Variants in PTPRG observed in about 807,000 individuals in gnomAD.
The protein encoded by PTPRG is protein tyrosine phosphatase receptor type G, also known as receptor-type tyrosine-protein phosphatase gamma.
In PTPRG, 102 loss-of-function variants were observed where a neutral mutation model predicts 165.3. The ratio of observed to expected loss-of-function variants is 0.62; its 90% CI spans 0.53 to 0.73. PTPRG has a LOEUF of 0.73. PTPRG is among the 30% of genes least tolerant of loss of function. The probability of loss-of-function intolerance (pLI) is 0.00; values close to 1 mark genes in which losing one functional copy is unlikely to be tolerated. For synonymous variants in PTPRG, 675 were observed against 669.5 expected (o/e 1.01, Z -0.13); for missense variants, 1,866 against 1,861.4 (o/e 1.00, Z -0.05).
At chr3:61,943,440 A>G (rs1028814506) in intron 2 of PTPRG, among the ~76,000 whole-genome samples, 2 of 152,156 alleles carry the variant, frequency 1.3e-5, no homozygotes, top group Non-Finnish European at 1.5e-5. Context: ...AAAAATATCA[A>G]AAGTAGCCAG....
At chr3:61,684,025 C>G (rs1016928451) in intron 1 of PTPRG, among the ~76,000 whole-genome samples, 5 of 152,200 alleles carry the variant, frequency 3.3e-5, no homozygotes, top group African/African-American at 1.2e-4. Context: ...CATGGTCTTG[C>G]AGTTGTACAC....
intron 1 of PTPRG, among the ~76,000 whole-genome samples, chr3:61,668,633 G>T (rs1468170862): frequency 6.6e-6 from 1 of 152,078 alleles, no homozygotes; most frequent in Admixed American, 6.6e-5. Flanking sequence ...AAGTATTAGA[G>T]GAAATGTGTA....
intron 4 of PTPRG, among the ~76,000 whole-genome samples, chr3:62,055,126 A>G (rs1387035833): frequency 2.0e-5 from 3 of 152,214 alleles, no homozygotes; most frequent in Non-Finnish European, 4.4e-5. Context: ...TGTAGTTAAT[A>G]TTGTAATTAA....
intron 2 of PTPRG, chr3:61,753,470 G>A (rs2033521715): frequency 3.1e-6 from 1 of 323,806 alleles, no homozygotes; most frequent in Non-Finnish European, 6.2e-6. Context: ...AGTTTGCCCA[G>A]AACTTCTATA....
At chr3:61,967,160 A>G (rs1050789193) in intron 2 of PTPRG, among the ~76,000 whole-genome samples, 1 of 152,194 alleles carries the variant, frequency 6.6e-6, no homozygotes, top group Non-Finnish European at 1.5e-5. Flanking sequence ...TACAAAGTCT[A>G]GGCCTGACCT....
rs1262611637 is a variant in PTPRG, at chr3:62,254,089, G to C, written c.2468-1035G>C. On this transcript the variant is annotated intron_variant, in intron 15 of 29. Coordinates refer to ENST00000474889, the MANE Select transcript of PTPRG (RefSeq NM_002841.4). The surrounding 1 kb of genome is among the most constrained non-coding windows in gnomAD (Gnocchi z 4.6). Reference sequence around the variant, plus strand: ...ACTGTCACCAGATGAAGAGAAATCAGATTGTCAGGCCTGGATCTATAAAAT... The same window carrying C: ...ACTGTCACCAGATGAAGAGAAATCACATTGTCAGGCCTGGATCTATAAAAT... Among the ~76,000 whole-genome samples, 1 of 152,208 alleles carries C rather than the reference G, an allele frequency of 6.6e-6. No homozygotes were observed. Among genetic ancestry groups the C allele is most frequent in the Non-Finnish European group, 1.5e-5 (1 of 68,032 alleles).
chr3:62,208,245 C>T (rs1700278058), intron 12 of PTPRG, among the ~76,000 whole-genome samples: 2 of 152,062 alleles, frequency 1.3e-5, no homozygotes, highest in African/African-American at 4.8e-5. Flanking sequence ...ATGTCTGCTA[C>T]ATGGAAATCC....
In PTPRG at chr3:62,217,423, C is replaced by G. The variant is rs553944181; in HGVS notation, c.2156-1428C>G. Among the ~76,000 whole-genome samples the G allele has an allele frequency of 6.6e-6, 1 of 152,172 alleles. No individual in the cohort carries two copies. The highest frequency in any genetic ancestry group is 1.5e-5 in the Non-Finnish European group (1 of 68,030). ...CATCGTAACACACTTCTTCCTGACTCGGGAGTCTTGCCTCTTTAAAAATCT... is the reference window on the plus strand; with the variant it reads ...CATCGTAACACACTTCTTCCTGACTGGGGAGTCTTGCCTCTTTAAAAATCT... On this transcript the variant is annotated intron_variant, in intron 12 of 29. Transcript: ENST00000474889. The surrounding 1 kb of genome is among the most constrained non-coding windows in gnomAD (Gnocchi z 4.3).
At chr3:61,584,737 G>T (rs1211000333) in intron 1 of PTPRG, among the ~76,000 whole-genome samples, 1 of 152,028 alleles carries the variant, frequency 6.6e-6, no homozygotes, top group Non-Finnish European at 1.5e-5. Flanking sequence ...GTGTTTTGTA[G>T]GTCCTTAGTA....
At chr3:62,056,435 C>T (rs1049060700) in intron 4 of PTPRG, among the ~76,000 whole-genome samples, 38 of 151,830 alleles carry the variant, frequency 2.5e-4, no homozygotes, top group African/African-American at 8.0e-4. Context: ...TTTTTAAGCA[C>T]ATCATTAGTG....
chr3:62,089,306 A>C (rs73088823), intron 5 of PTPRG, among the ~76,000 whole-genome samples: 250 of 152,338 alleles, frequency 1.6e-3, no homozygotes, highest in Non-Finnish European at 3.0e-3. Flanking sequence ...ATGTGATGGC[A>C]AACTTGGAAG....
intron 1 of PTPRG, among the ~76,000 whole-genome samples, chr3:61,678,324 C>T (rs1703309235): frequency 1.3e-5 from 2 of 152,170 alleles, no homozygotes; most frequent in South Asian, 2.1e-4. Context: ...GATAGATATT[C>T]ATGTGTTGTC....
At chr3:61,658,408 T>C (rs1702569064) in intron 1 of PTPRG, among the ~76,000 whole-genome samples, 1 of 152,170 alleles carries the variant, frequency 6.6e-6, no homozygotes, top group Non-Finnish European at 1.5e-5. Context: ...GTTGGTCCCA[T>C]AGCCAGATAG....
chr3:62,025,022 A>G (rs1275096023), intron 4 of PTPRG, among the ~76,000 whole-genome samples: 2 of 152,208 alleles, frequency 1.3e-5, no homozygotes, highest in South Asian at 2.1e-4. Context: ...TTCCAGGAGT[A>G]TGAAAGTCAT....
intron 9 of PTPRG, among the ~76,000 whole-genome samples, chr3:62,193,844 T>C (rs1699897727): frequency 6.6e-6 from 1 of 152,234 alleles, no homozygotes; most frequent in African/African-American, 2.4e-5. Context: ...CTTCTATACT[T>C]GGCCCAGAAC....
At chr3:62,180,347 T>G (rs1045407423) in intron 8 of PTPRG, among the ~76,000 whole-genome samples, 1 of 152,156 alleles carries the variant, frequency 6.6e-6, no homozygotes, top group African/African-American at 2.4e-5. Flanking sequence ...ACTACAACAT[T>G]GTCTCAGCAG....
In PTPRG at chr3:62,192,612, C is replaced by G. The variant is rs561144644; in HGVS notation, c.1218+959C>G. Among the ~76,000 whole-genome samples, 18 of 151,902 alleles carry G rather than the reference C, an allele frequency of 1.2e-4. No homozygotes were observed. In the South Asian group the frequency reaches 2.7e-3, roughly 23 times the overall value. ...ATTTTTAGTAGAGACAGGGTTTCAC[C>G]GTGTTAGCCAGGATGGTCTCCATCT... On this transcript the variant is annotated intron_variant, in intron 9 of 29. Coordinates refer to ENST00000474889, the MANE Select transcript of PTPRG (RefSeq NM_002841.4).
intron 2 of PTPRG, among the ~76,000 whole-genome samples, chr3:61,784,309 C>G (rs1157691657): frequency 6.6e-6 from 1 of 152,116 alleles, no homozygotes; most frequent in African/African-American, 2.4e-5. Context: ...TTGGATTGAG[C>G]GAGAAGCAGC....
At chr3:62,100,119 G>A (rs561881315) in intron 5 of PTPRG, among the ~76,000 whole-genome samples, 18 of 152,140 alleles carry the variant, frequency 1.2e-4, no homozygotes, top group African/African-American at 4.3e-4. Context: ...TAGCTAGTAG[G>A]TCACATACCT....
Sources: gnomAD v4.1 joint callset for allele counts (sites outside exome capture counted in the v4.1 genomes callset) on GRCh38, gnomAD v4.1.1 for gene constraint, Gnocchi (gnomAD v3.1) non-coding constraint, MANE v1.5 for transcripts, NCBI Gene and HGNC (gene_info 2026-07-23, HGNC 2026-07-21) for gene names.